THAP4: variants seen among roughly 807,000 people sequenced by gnomAD.
The protein encoded by THAP4 is THAP domain containing 4.
In THAP4, 18 loss-of-function variants were observed where a neutral mutation model predicts 48.1. The observed-to-expected ratio is 0.37, with a 90% CI of 0.26 to 0.56. The LOEUF is 0.56. Among genes scored for constraint, THAP4 ranks in the 20% least tolerant of loss-of-function variants. The probability of loss-of-function intolerance (pLI) is 0.78; values close to 1 mark genes in which losing one functional copy is unlikely to be tolerated. For missense variants in THAP4, 656 were observed against 774.9 expected (o/e 0.85, Z 1.82); for synonymous variants, 345 against 324.9 (o/e 1.06, Z -0.66).
At chr2:241,586,483 A>G (rs1469903871) in intron 5 of THAP4, among the ~76,000 whole-genome samples, 1 of 151,982 alleles carries the variant, frequency 6.6e-6, no homozygotes, top group South Asian at 2.1e-4. Context: ...CATCTCTACA[A>G]TTTTTCACAC....
intron 5 of THAP4, among the ~76,000 whole-genome samples, chr2:241,600,120 C>G (rs544573408): frequency 1.3e-5 from 2 of 152,142 alleles, no homozygotes; most frequent in Non-Finnish European, 2.9e-5. Flanking sequence ...CACCTGAACC[C>G]GAGAGGTGGA....
At chr2:241,615,180 G>C (rs1486326534) in intron 2 of THAP4, among the ~76,000 whole-genome samples, 2 of 152,130 alleles carry the variant, frequency 1.3e-5, no homozygotes, top group African/African-American at 4.8e-5. Flanking sequence ...GGAGGGTGGG[G>C]AATCTGAACG....
rs1344918681 is a variant in THAP4, at chr2:241,636,979, C to T, written c.39G>A (p.Arg13=). ...ICCAAVNCSN[R]QGKGEKRAVS... is the part of the protein sequence containing the mutation. ...CGGCGCGCTTCTCGCCCTTTCCCTG[C>T]CGGTTGGAGCAGTTCACGGCCGCAC... The change falls in exon 1 of 6, where the codon CGG becomes CGA. Residue 13 remains arginine (R), a synonymous_variant. Coordinates refer to ENST00000407315, the MANE Select transcript of THAP4 (RefSeq NM_015963.6). The T allele has an allele frequency of 3.0e-6, 4 of 1,327,114 alleles. No homozygotes were observed. The highest frequency in any genetic ancestry group is 2.2e-4 in the Middle Eastern group (1 of 4,448). 82.2% of individuals were successfully genotyped at this position (1,327,114 alleles called of 1,614,324 possible).
At chr2:241,617,440 A>G (rs2067361693) in intron 2 of THAP4, 1 of 1,551,528 alleles carries the variant, frequency 6.4e-7, no homozygotes, top group Non-Finnish European at 8.7e-7. Context: ...AACTCCGGAC[A>G]CTCGTCAAGG....
At position 241,634,058 on chromosome 2, in the gene THAP4, T is replaced by G; in HGVS notation, c.99A>C (p.Lys33Asn). The G allele has an allele frequency of 6.3e-7, 1 of 1,593,232 alleles. No individual in the cohort carries two copies. The highest frequency in any genetic ancestry group is 8.6e-7 in the Non-Finnish European group (1 of 1,168,700). Residue 33 changes from lysine (K) to asparagine (N), a missense_variant, in exon 2 of 6, where the codon AAA (lysine) becomes AAC (asparagine). Physicochemically the swap from Lys to Asn is moderately conservative, Grantham distance 94. This residue lies in a region of THAP4 where 59 missense variants were observed against 45.8 expected (regional missense o/e 1.29). Coordinates refer to ENST00000407315, the MANE Select transcript of THAP4 (RefSeq NM_015963.6). ...CAGCTTTTAACCATTGGATTAGACG[T>G]TTTGAGTCCTTTAGGGGGAACCTAC... The part of the protein sequence containing the change: ...SFHRFPLKDS[K>N]RLIQWLKAVQ...
intron 2 of THAP4, among the ~76,000 whole-genome samples, chr2:241,622,419 G>GAATTCAC (rs1325571762): frequency 6.6e-6 from 1 of 151,966 alleles, no homozygotes; most frequent in Non-Finnish European, 1.5e-5. Context: ...TAAAAACAGA[G>GAATTCAC]AATTCACTGG....
chr2:241,630,568 C>A (rs537488639), intron 2 of THAP4, among the ~76,000 whole-genome samples: 2 of 152,082 alleles, frequency 1.3e-5, no homozygotes, highest in Admixed American at 6.6e-5. Flanking sequence ...CACCTGAGGT[C>A]GGGAGTTCGA....
intron 5 of THAP4, among the ~76,000 whole-genome samples, chr2:241,589,040 C>G (rs949912861): frequency 1.3e-5 from 2 of 151,942 alleles, no homozygotes; most frequent in African/African-American, 4.8e-5. Flanking sequence ...GGTGAAACCC[C>G]GTCTTTACTA....
intron 2 of THAP4, among the ~76,000 whole-genome samples, chr2:241,617,897 T>C (rs2067368159): frequency 1.3e-5 from 2 of 152,096 alleles, no homozygotes; most frequent in South Asian, 4.1e-4. Context: ...GACTGTCCTG[T>C]CTCCTGGCAA....
intron 2 of THAP4, among the ~76,000 whole-genome samples, chr2:241,617,738 C>T (rs2067365289): frequency 6.6e-6 from 1 of 152,184 alleles, no homozygotes; most frequent in Non-Finnish European, 1.5e-5. Context: ...CCACCAGCTA[C>T]AGCAGAGGAA....
chr2:241,617,245 C>T (rs1559229348), intron 2 of THAP4, among the ~76,000 whole-genome samples: 1 of 152,230 alleles, frequency 6.6e-6, no homozygotes, highest in Non-Finnish European at 1.5e-5. Flanking sequence ...CTATTTGTCA[C>T]TTTCCACCTC....
chr2:241,600,249 C>A (rs4675920), intron 5 of THAP4, among the ~76,000 whole-genome samples: 1 of 152,104 alleles, frequency 6.6e-6, no homozygotes, highest in Non-Finnish European at 1.5e-5. Context: ...TGTGGATGTG[C>A]TTTAATGTAT....
At chr2:241,614,282 A>T (rs2067312340) in intron 2 of THAP4, among the ~76,000 whole-genome samples, 2 of 152,244 alleles carry the variant, frequency 1.3e-5, no homozygotes, top group Non-Finnish European at 2.9e-5. Flanking sequence ...CTGGGCAATA[A>T]GCAATAAGGA....
chr2:241,621,618 G>GA (rs79735312), intron 2 of THAP4, among the ~76,000 whole-genome samples: 16 of 149,232 alleles, frequency 1.1e-4, no homozygotes, highest in Non-Finnish European at 1.6e-4. Context: ...GAAAAAAACG[G>GA]AAAAAAAAAA....
At chr2:241,605,722 C>T (rs909003741) in intron 3 of THAP4, among the ~76,000 whole-genome samples, 2 of 147,416 alleles carry the variant, frequency 1.4e-5, no homozygotes, top group Non-Finnish European at 3.0e-5. Context: ...TAATTTTTTT[C>T]TTTTTTTTTT....
At chr2:241,590,209 A>G (rs1449014839) in intron 5 of THAP4, among the ~76,000 whole-genome samples, 14 of 148,672 alleles carry the variant, frequency 9.4e-5, no homozygotes, top group African/African-American at 3.3e-4. Context: ...GGACACACAG[A>G]GCTGCTCGGC....
chr2:241,611,730 A>C (rs912694534), intron 2 of THAP4, among the ~76,000 whole-genome samples: 1 of 151,756 alleles, frequency 6.6e-6, no homozygotes, highest in African/African-American at 2.4e-5. Context: ...TCTCCAAAAA[A>C]AAAAAAAAAA....
intron 2 of THAP4, among the ~76,000 whole-genome samples, chr2:241,622,215 C>T (rs1457202257): frequency 3.3e-5 from 5 of 152,204 alleles, no homozygotes; most frequent in African/African-American, 9.6e-5. Context: ...ACTAAAAATA[C>T]GACACTGGGG....
intron 5 of THAP4, among the ~76,000 whole-genome samples, chr2:241,595,729 C>T (rs2067039183): frequency 6.6e-6 from 1 of 152,124 alleles, no homozygotes; most frequent in Admixed American, 6.5e-5. Context: ...GCAGCAGTCA[C>T]TCCCCAGCTT....
Sources: gnomAD v4.1 joint callset for allele counts (sites outside exome capture counted in the v4.1 genomes callset) on GRCh38, gnomAD v4.1.1 for gene constraint, gnomAD v4.1.1 regional missense constraint, MANE v1.5 for transcripts, NCBI Gene and HGNC (gene_info 2026-07-23, HGNC 2026-07-21) for gene names.